CPS1: variants seen among roughly 807,000 people sequenced by gnomAD.
CPS1 encodes the protein carbamoyl-phosphate synthase 1, also known as carbamoyl-phosphate synthase [ammonia], mitochondrial.
A neutral mutation model predicts 174.6 loss-of-function variants in CPS1; 109 were observed. That is an observed-to-expected ratio of 0.62 (90% CI 0.53 to 0.73). The LOEUF is 0.73. CPS1 is among the 30% of genes least tolerant of loss of function. CPS1 has a pLI of 0.00. For missense variants in CPS1, 1,689 were observed against 1,821.9 expected (o/e 0.93, Z 1.33); for synonymous variants, 637 against 632.0 (o/e 1.01, Z -0.12).
chr2:210,646,674 T>G (rs1294016955), intron 25 of CPS1, among the ~76,000 whole-genome samples: 4 of 152,228 alleles, frequency 2.6e-5, no homozygotes. Flanking sequence ...TATTTATTTA[T>G]ACACTTACGG....
At chr2:210,563,543 G>A (rs987597469) in intron 1 of CPS1, among the ~76,000 whole-genome samples, 5 of 152,070 alleles carry the variant, frequency 3.3e-5, no homozygotes, top group Non-Finnish European at 1.5e-5. Context: ...TAGGCTGCAA[G>A]AAAAGTCTCA....
chr2:210,504,286 C>G (rs1385820229), intron 1 of CPS1, among the ~76,000 whole-genome samples: 2 of 152,032 alleles, frequency 1.3e-5, no homozygotes. Flanking sequence ...ACAAAACAAC[C>G]GACCAAACAA....
chr2:210,678,393 G>A lies in CPS1; in HGVS notation c.*408G>A. ...TCTGCAAACTCAGGACACTTTAACA[G>A]GGCAGAATACTCTAAAAACTTGATA... On this transcript the variant is annotated 3_prime_UTR_variant, in exon 38 of 38. Coordinates refer to ENST00000233072, the MANE Select transcript of CPS1 (RefSeq NM_001875.5). The A allele has an allele frequency of 4.4e-6, 1 of 229,092 alleles. No homozygotes were observed. Among genetic ancestry groups the A allele is most frequent in the South Asian group, 5.9e-5 (1 of 16,902 alleles). 14.2% of individuals were successfully genotyped at this position (229,092 alleles called of 1,614,324 possible). A position where few individuals can be genotyped will look rare whatever the true frequency, so the allele number is the denominator to read the frequency against.
intron 1 of CPS1, among the ~76,000 whole-genome samples, chr2:210,488,808 T>C (rs2105948497): frequency 6.6e-6 from 1 of 152,276 alleles, no homozygotes; most frequent in East Asian, 1.9e-4. Context: ...TTCCTTCTAC[T>C]TTTTGATTTA....
At chr2:210,478,726 T>C (rs1694475120) in intron 1 of CPS1, among the ~76,000 whole-genome samples, 1 of 152,236 alleles carries the variant, frequency 6.6e-6, no homozygotes, top group Non-Finnish European at 1.5e-5. Context: ...CATTTTATTT[T>C]ATTAGCTTTT....
At chr2:210,510,684 A>G (rs897972359) in intron 1 of CPS1, among the ~76,000 whole-genome samples, 3 of 152,222 alleles carry the variant, frequency 2.0e-5, no homozygotes, top group African/African-American at 7.2e-5. Flanking sequence ...AAACAAATTT[A>G]CAAGAAAAAA....
intron 31 of CPS1, 139 bp from the exon 32 acceptor site, chr2:210,660,346 G>A (rs1700875056): frequency 1.2e-6 from 1 of 834,352 alleles, no homozygotes; most frequent in Non-Finnish European, 2.0e-6. Flanking sequence ...CAAGCAGTAA[G>A]GAGAAAAGAG....
At chr2:210,542,052 T>G (rs1338713878) in intron 1 of CPS1, among the ~76,000 whole-genome samples, 2 of 152,290 alleles carry the variant, frequency 1.3e-5, no homozygotes, top group African/African-American at 4.8e-5. Context: ...TCAAGTATTC[T>G]TAGTGTAACA....
chr2:210,590,962 A>G, intron 9 of CPS1, 56 bp downstream of exon 9: 1 of 1,366,956 alleles, frequency 7.3e-7, no homozygotes, highest in Non-Finnish European at 1.0e-6. Flanking sequence ...CTAACTAAAT[A>G]CAAAGAACTC....
In CPS1 at chr2:210,568,776, C is replaced by T. The variant is rs115119091; in HGVS notation, c.127-4522C>T. On this transcript the variant is annotated intron_variant, in intron 1 of 37. Transcript: ENST00000233072. ...TAAGACTAACCACTGCTAGAAAAAA[C>T]GTTGCATTAGATATCTACATTTTAG... Among the ~76,000 whole-genome samples, 51 of 152,050 alleles carry T rather than the reference C, an allele frequency of 3.4e-4. 1 individual carries two copies. The highest frequency in any genetic ancestry group is 1.3e-4 in the Non-Finnish European group (9 of 67,944).
intron 1 of CPS1, among the ~76,000 whole-genome samples, chr2:210,493,871 A>G (rs1694925833): frequency 6.9e-6 from 1 of 144,020 alleles, no homozygotes; most frequent in South Asian, 2.2e-4. Flanking sequence ...TTTGTAGAGG[A>G]ATTATTTCAT....
chr2:210,534,345 T>C (rs1244311011), intron 1 of CPS1, among the ~76,000 whole-genome samples: 1 of 152,174 alleles, frequency 6.6e-6, no homozygotes, highest in East Asian at 1.9e-4. Context: ...GGAACCACAG[T>C]AATCACTTCA....
At chr2:210,522,895 A>G (rs1559060887) in intron 1 of CPS1, among the ~76,000 whole-genome samples, 1 of 152,016 alleles carries the variant, frequency 6.6e-6, no homozygotes, top group Non-Finnish European at 1.5e-5. Flanking sequence ...AAATGTTCTG[A>G]CAGAGATCAA....
chr2:210,570,006 A>T (rs1468695976), intron 1 of CPS1, among the ~76,000 whole-genome samples: 3 of 151,994 alleles, frequency 2.0e-5, no homozygotes. Context: ...ACTCCTTGGA[A>T]TGAAATAGCA....
intron 21 of CPS1, among the ~76,000 whole-genome samples, chr2:210,632,778 C>G (rs1364142126): frequency 6.6e-6 from 1 of 152,132 alleles, no homozygotes; most frequent in Non-Finnish European, 1.5e-5. Context: ...AGACCATGAA[C>G]AAAATACTAT....
chr2:210,577,752 AT>A (rs1426534239), intron 4 of CPS1, among the ~76,000 whole-genome samples: 2 of 152,158 alleles, frequency 1.3e-5, no homozygotes, highest in South Asian at 4.1e-4. Flanking sequence ...AGCACTTCAC[AT>A]TTGGGAAGGG....
chr2:210,666,804 A>G (rs180970385), intron 33 of CPS1, among the ~76,000 whole-genome samples: 3 of 152,306 alleles, frequency 2.0e-5, no homozygotes, highest in African/African-American at 7.2e-5. Flanking sequence ...TGACTTGGCA[A>G]TGCGGGCTCT....
intron 21 of CPS1, chr2:210,618,425 T>C (rs1230957121): frequency 6.6e-6 from 1 of 152,116 alleles, no homozygotes; most frequent in Non-Finnish European, 1.5e-5. Flanking sequence ...GTGTCTATTA[T>C]ATAGCAAAAG....
upstream of CPS1, among the ~76,000 whole-genome samples, chr2:210,554,169 ATG>A: frequency 7.5e-6 from 1 of 133,238 alleles, no homozygotes; most frequent in East Asian, 2.1e-4. Context: ...ACATATACAT[ATG>A]TATGTATATA....
Sources: allele counts gnomAD v4.1 joint callset (sites outside exome capture counted in the v4.1 genomes callset), GRCh38; gene constraint gnomAD v4.1.1; transcripts MANE v1.5; gene names NCBI Gene and HGNC (gene_info 2026-07-23, HGNC 2026-07-21).